Variants in PCDH15 observed in about 807,000 individuals in gnomAD.
PCDH15 encodes protocadherin-15.
A neutral mutation model predicts 178.5 loss-of-function variants in PCDH15; 129 were observed. The ratio of observed to expected loss-of-function variants is 0.72; its 90% CI spans 0.63 to 0.84. The LOEUF is 0.84. Ranked by LOEUF, PCDH15 falls within the 40% of genes least tolerant of loss-of-function variation. The probability of loss-of-function intolerance (pLI) is 0.00; values close to 1 mark genes in which losing one functional copy is unlikely to be tolerated. For synonymous variants in PCDH15, 800 were observed against 732.0 expected (o/e 1.09, Z -1.50); for missense variants, 2,230 against 2,099.9 (o/e 1.06, Z -1.21).
chr10:53,973,429 T>A (rs1033054612), intron 21 of PCDH15, among the ~76,000 whole-genome samples: 1 of 152,088 alleles, frequency 6.6e-6, no homozygotes, highest in African/African-American at 2.4e-5. Context: ...ACCCTAGAAC[T>A]TAAAGTATAT....
intron 1 of PCDH15, among the ~76,000 whole-genome samples, chr10:54,787,416 T>G (rs1537855): frequency 1 from 151,652 of 151,934 alleles, 75,685 homozygotes; most frequent in Non-Finnish European, 1. Context: ...TATGTCTAAG[T>G]TTTTACATAT....
chr10:55,358,962 T>C (rs1359198351), intron 2 of PCDH15, among the ~76,000 whole-genome samples: 1 of 152,024 alleles, frequency 6.6e-6, no homozygotes, highest in East Asian at 1.9e-4. Context: ...GAGGCTGAAA[T>C]GGGAAGATCT....
intron 1 of PCDH15, among the ~76,000 whole-genome samples, chr10:54,747,509 C>T (rs1381256254): frequency 6.6e-6 from 1 of 152,088 alleles, no homozygotes; most frequent in Non-Finnish European, 1.5e-5. Context: ...GGAAAATGTT[C>T]CACATAATAA....
At chr10:54,300,751 CT>C (rs2133258643) in intron 8 of PCDH15, among the ~76,000 whole-genome samples, 1 of 152,216 alleles carries the variant, frequency 6.6e-6, no homozygotes, top group Non-Finnish European at 1.5e-5. Flanking sequence ...CCAATCAGCA[CT>C]TGGTAAAATC....
intron 3 of PCDH15, among the ~76,000 whole-genome samples, chr10:54,817,722 C>G (rs1395920097): frequency 6.6e-6 from 1 of 151,994 alleles, no homozygotes; most frequent in Non-Finnish European, 1.5e-5. Flanking sequence ...ATCATCTATA[C>G]AATGTGTTCT....
intron 2 of PCDH15, among the ~76,000 whole-genome samples, chr10:55,131,480 C>T (rs769385818): frequency 2.6e-4 from 39 of 152,178 alleles, no homozygotes; most frequent in Non-Finnish European, 2.5e-4. Flanking sequence ...AGGTATGTTT[C>T]AGCCCTGTTT....
chr10:54,589,896 C>T lies in PCDH15; in HGVS notation c.92-62019G>A, dbSNP rs185466294. On this transcript the variant is annotated intron_variant, in intron 2 of 37. Coordinates refer to ENST00000644397, the MANE Select transcript of PCDH15 (RefSeq NM_001384140.1). Reference sequence around the variant, plus strand: ...CAGGCATGAGCCACTGTGCCCGGCCCGTTCATTACGTAAGAATAAAGAAAT... The same window carrying T: ...CAGGCATGAGCCACTGTGCCCGGCCTGTTCATTACGTAAGAATAAAGAAAT... Among the ~76,000 whole-genome samples, 45 of 151,990 alleles carry T rather than the reference C, an allele frequency of 3.0e-4. No individual in the cohort carries two copies. In the East Asian group the frequency reaches 6.4e-3, roughly 22 times the overall value.
At chr10:54,101,294 G>A (rs911955220) in intron 15 of PCDH15, among the ~76,000 whole-genome samples, 1 of 152,032 alleles carries the variant, frequency 6.6e-6, no homozygotes, top group Non-Finnish European at 1.5e-5. Context: ...TTTGTAAATT[G>A]CCCAGTCTCT....
chr10:54,428,331 G>A (rs745956950), intron 3 of PCDH15, among the ~76,000 whole-genome samples: 1 of 152,198 alleles, frequency 6.6e-6, no homozygotes, highest in African/African-American at 2.4e-5. Context: ...AGGACTGGCT[G>A]AAGACTCAGT....
chr10:54,996,934 CTCTG>C (rs1325525133), intron 2 of PCDH15, among the ~76,000 whole-genome samples: 1 of 151,954 alleles, frequency 6.6e-6, no homozygotes, highest in African/African-American at 2.4e-5. Flanking sequence ...CATGGTGAAA[CTCTG>C]TCTGTACTAA....
intron 6 of PCDH15, among the ~76,000 whole-genome samples, chr10:54,335,418 A>T (rs1346496015): frequency 3.3e-5 from 5 of 152,130 alleles, no homozygotes; most frequent in Admixed American, 3.3e-4. Flanking sequence ...CCTTTCTACA[A>T]TTGATATGGT....
intron 2 of PCDH15, among the ~76,000 whole-genome samples, chr10:55,520,525 A>G (rs900427210): frequency 3.4e-5 from 5 of 148,046 alleles, no homozygotes; most frequent in African/African-American, 7.4e-5. Context: ...GTGTGTGTGT[A>G]TATATATATG....
At chr10:55,194,054 T>A (rs1840016154) in intron 1 of PCDH15, among the ~76,000 whole-genome samples, 1 of 152,058 alleles carries the variant, frequency 6.6e-6, no homozygotes, top group East Asian at 1.9e-4. Flanking sequence ...CATATTTATA[T>A]GTCAGAGTAA....
chr10:55,564,874 G>A (rs770964731), intron 2 of PCDH15, among the ~76,000 whole-genome samples: 15 of 151,344 alleles, frequency 9.9e-5, no homozygotes, highest in South Asian at 4.2e-4. Flanking sequence ...ATAAATGAAG[G>A]AAAAATAAAT....
At chr10:55,172,892 T>G (rs1396147420) in intron 1 of PCDH15, among the ~76,000 whole-genome samples, 1 of 151,956 alleles carries the variant, frequency 6.6e-6, no homozygotes, top group African/African-American at 2.4e-5. Context: ...GCACCATCTT[T>G]GAGAGTTGCA....
At chr10:54,072,341 A>G (rs1565184796) in intron 17 of PCDH15, among the ~76,000 whole-genome samples, 2 of 152,208 alleles carry the variant, frequency 1.3e-5, no homozygotes, top group South Asian at 4.1e-4. Flanking sequence ...GTTGCTACAC[A>G]GTTCAGAGCC....
chr10:54,991,184 T>C (rs1839490807), intron 2 of PCDH15, among the ~76,000 whole-genome samples: 1 of 152,158 alleles, frequency 6.6e-6, no homozygotes, highest in South Asian at 2.1e-4. Flanking sequence ...TAATCAATAG[T>C]ATTGACCACT....
chr10:54,825,737 A>T (rs952887946), intron 3 of PCDH15, among the ~76,000 whole-genome samples: 3 of 152,068 alleles, frequency 2.0e-5, no homozygotes, highest in Non-Finnish European at 4.4e-5. Context: ...TAAAAAGCCT[A>T]CTTTTACAAT....
chr10:54,884,366 A>T (rs1954315626), intron 3 of PCDH15, among the ~76,000 whole-genome samples: 1 of 152,084 alleles, frequency 6.6e-6, no homozygotes, highest in Admixed American at 6.6e-5. Flanking sequence ...ACTTTATAAT[A>T]AGATTTGAAG....
Sources: allele counts gnomAD v4.1 joint callset (sites outside exome capture counted in the v4.1 genomes callset), GRCh38; gene constraint gnomAD v4.1.1; transcripts MANE v1.5; gene names NCBI Gene and HGNC (gene_info 2026-07-23, HGNC 2026-07-21).